MAGI2: variants seen among roughly 807,000 people sequenced by gnomAD.
MAGI2 encodes membrane-associated guanylate kinase, WW and PDZ domain-containing protein 2.
In MAGI2, 35 loss-of-function variants were observed where a neutral mutation model predicts 133.3. That is an observed-to-expected ratio of 0.26 (90% confidence interval 0.20 to 0.35). MAGI2 has a LOEUF of 0.35. MAGI2 is among the 10% of genes least tolerant of loss of function. The pLI is 1.00. For missense variants in MAGI2, 1,636 were observed against 1,863.4 expected, an observed-to-expected ratio of 0.88 and a Z score of 2.25; for synonymous variants, 729 against 710.6, an observed-to-expected ratio of 1.03 and a Z score of -0.41.
At chr7:78,922,156 A>AT (rs1799294238) in intron 2 of MAGI2, among the ~76,000 whole-genome samples, 1 of 96,272 alleles carries the variant, frequency 1.0e-5, no homozygotes, top group African/African-American at 5.0e-5. Flanking sequence ...TTTATTTTTT[A>AT]TTTTTTATTT....
At chr7:78,243,682 C>T (rs1791431466) in intron 10 of MAGI2, among the ~76,000 whole-genome samples, 1 of 151,982 alleles carries the variant, frequency 6.6e-6, no homozygotes, top group Non-Finnish European at 1.5e-5. Context: ...AGAGAATATA[C>T]TGATCTAGTG....
chr7:78,520,335 T>C (rs1399356630), intron 4 of MAGI2, among the ~76,000 whole-genome samples: 1 of 152,082 alleles, frequency 6.6e-6, no homozygotes, highest in African/African-American at 2.4e-5. Context: ...TTTTCGCTGA[T>C]AAAAATAACA....
chr7:79,155,801 T>A (rs1261529243), intron 1 of MAGI2, among the ~76,000 whole-genome samples: 1 of 152,056 alleles, frequency 6.6e-6, no homozygotes, highest in Admixed American at 6.6e-5. Context: ...GAGGCAGGCA[T>A]GGGGTCAAGT....
At chr7:79,425,771 G>C (rs1847329024) in intron 1 of MAGI2, among the ~76,000 whole-genome samples, 1 of 151,696 alleles carries the variant, frequency 6.6e-6, no homozygotes, top group Non-Finnish European at 1.5e-5. Context: ...ACAAAATAGA[G>C]AGAGAGAGGG....
chr7:78,492,244 A>AT (rs967858789), intron 5 of MAGI2, among the ~76,000 whole-genome samples: 10 of 151,954 alleles, frequency 6.6e-5, no homozygotes, highest in South Asian at 6.2e-4. Flanking sequence ...TTACAGGCTG[A>AT]TTTTTTTTAG....
intron 3 of MAGI2, chr7:78,568,046 A>T (rs189863954): frequency 6.6e-6 from 1 of 152,316 alleles, no homozygotes; most frequent in Non-Finnish European, 1.5e-5. Flanking sequence ...TTCTTAAAAC[A>T]CTTTCTTCAG....
At chr7:79,011,601 A>G (rs1173995372) in intron 1 of MAGI2, among the ~76,000 whole-genome samples, 2 of 152,124 alleles carry the variant, frequency 1.3e-5, no homozygotes, top group Non-Finnish European at 2.9e-5. Flanking sequence ...TGGAGAAAGC[A>G]GTTCACTAAT....
chr7:78,581,851 C>G (rs60607554), intron 3 of MAGI2, among the ~76,000 whole-genome samples: 14 of 152,040 alleles, frequency 9.2e-5, no homozygotes, highest in Non-Finnish European at 1.9e-4. Flanking sequence ...GGAGTATGAA[C>G]TAATAGCAAT....
At chr7:79,361,108 C>T (rs1468788402) in intron 1 of MAGI2, among the ~76,000 whole-genome samples, 1 of 152,116 alleles carries the variant, frequency 6.6e-6, no homozygotes, top group Non-Finnish European at 1.5e-5. Flanking sequence ...AAGATAATTA[C>T]TACATTCAAA....
chr7:78,142,744 T>C (rs777483342), intron 16 of MAGI2, among the ~76,000 whole-genome samples: 1 of 152,074 alleles, frequency 6.6e-6, no homozygotes, highest in Non-Finnish European at 1.5e-5. Flanking sequence ...GACATTAGAG[T>C]GGCAGGAAGC....
At chr7:79,274,241 C>T (rs1835076128) in intron 1 of MAGI2, among the ~76,000 whole-genome samples, 1 of 152,094 alleles carries the variant, frequency 6.6e-6, no homozygotes, top group East Asian at 1.9e-4. Flanking sequence ...TATCTGGCAA[C>T]CCTACCTGGA....
At chr7:79,064,467 G>A (rs184952072) in intron 1 of MAGI2, among the ~76,000 whole-genome samples, 18 of 152,164 alleles carry the variant, frequency 1.2e-4, no homozygotes, top group African/African-American at 3.9e-4. Context: ...CTTTTTAGAA[G>A]AGGAAGAAGA....
intron 2 of MAGI2, among the ~76,000 whole-genome samples, chr7:78,912,353 C>A (rs1798460597): frequency 2.0e-5 from 3 of 152,074 alleles, no homozygotes; most frequent in Admixed American, 6.5e-5. Flanking sequence ...ATGGTTAATG[C>A]TGAGTGTCAA....
At chr7:78,887,010 C>T (rs1796325935) in intron 2 of MAGI2, among the ~76,000 whole-genome samples, 1 of 152,046 alleles carries the variant, frequency 6.6e-6, no homozygotes, top group Admixed American at 6.5e-5. Flanking sequence ...CCTTCTTGTC[C>T]CCATGTGAGG....
At chr7:79,037,409 C>A (rs2116869941) in intron 1 of MAGI2, among the ~76,000 whole-genome samples, 1 of 152,178 alleles carries the variant, frequency 6.6e-6, no homozygotes, top group South Asian at 2.1e-4. Flanking sequence ...ATTACAAGCA[C>A]AACCCGAGTC....
intron 1 of MAGI2, among the ~76,000 whole-genome samples, chr7:79,331,237 A>G (rs765696119): frequency 6.6e-6 from 1 of 152,198 alleles, no homozygotes; most frequent in African/African-American, 2.4e-5. Flanking sequence ...AAAGTTATTT[A>G]TATGCCTCGA....
intron 1 of MAGI2, among the ~76,000 whole-genome samples, chr7:79,180,730 C>T (rs1321320561): frequency 6.6e-6 from 1 of 151,940 alleles, no homozygotes; most frequent in Non-Finnish European, 1.5e-5. Context: ...ACTCAAAAGT[C>T]CATAGTCCAA....
intron 1 of MAGI2, among the ~76,000 whole-genome samples, chr7:79,337,566 A>G (rs1488195380): frequency 6.6e-6 from 1 of 152,224 alleles, no homozygotes; most frequent in African/African-American, 2.4e-5. Flanking sequence ...TGTGAACAAA[A>G]TTCCATCAGT....
chr7:78,443,814 A>C (rs1787861319), intron 6 of MAGI2, among the ~76,000 whole-genome samples: 1 of 152,196 alleles, frequency 6.6e-6, no homozygotes, highest in Non-Finnish European at 1.5e-5. Flanking sequence ...TACAGACATC[A>C]AAGATGTCTC....
Sources: allele counts gnomAD v4.1 joint callset (sites outside exome capture counted in the v4.1 genomes callset), GRCh38; gene constraint gnomAD v4.1.1; transcripts MANE v1.5; gene names NCBI Gene and HGNC (gene_info 2026-07-23, HGNC 2026-07-21).